Variants in MRAP2 observed in about 807,000 individuals in gnomAD.
The protein encoded by MRAP2 is melanocortin 2 receptor accessory protein 2.
A neutral mutation model predicts 17.4 loss-of-function variants in MRAP2; 20 were observed. The ratio of observed to expected loss-of-function variants is 1.15; its 90% confidence interval spans 0.81 to 1.67. The LOEUF (loss-of-function observed/expected upper bound fraction) is 1.67. Ranked by LOEUF, MRAP2 falls within the 40% of genes most tolerant of loss-of-function variation. The probability of loss-of-function intolerance (pLI) is 0.00; values close to 1 mark genes in which losing one functional copy is unlikely to be tolerated. For synonymous variants in MRAP2, 96 were observed against 88.4 expected, an observed-to-expected ratio of 1.09 and a Z score of -0.48; for missense variants, 238 against 240.0, an observed-to-expected ratio of 0.99 and a Z score of 0.05.
chr6:84,052,880 A>G (rs1232663207), intron 1 of MRAP2: 7 of 745,218 alleles, frequency 9.4e-6, no homozygotes, highest in Non-Finnish European at 1.1e-5. Context: ...AGCTTTCATT[A>G]CCCTTTGGTA....
the MRAP2 span, among the ~76,000 whole-genome samples, chr6:84,132,391 C>T: frequency 6.6e-5 from 10 of 152,084 alleles, no homozygotes; most frequent in Non-Finnish European, 1.0e-4. Context: ...TGTTGTTCTG[C>T]CTTGCTAGGC....
At chr6:84,083,554 C>A (rs528821323) in intron 3 of MRAP2, among the ~76,000 whole-genome samples, 10 of 152,062 alleles carry the variant, frequency 6.6e-5, no homozygotes, top group African/African-American at 1.2e-4. Flanking sequence ...AATTTTATCA[C>A]CTTAAAACAT....
At chr6:84,117,640 GGGGTGTGTGTCTGT>G in the MRAP2 span, among the ~76,000 whole-genome samples, 1 of 139,878 alleles carries the variant, frequency 7.1e-6, no homozygotes, top group African/African-American at 3.1e-5. Context: ...CTTTGGATGT[GGGGTGTGTGTCTGT>G]GTGTGTGTGT....
rs574675404 is a variant in MRAP2 at position 84,089,191 on chromosome 6, G to A, written c.328G>A (p.Glu110Lys). 1.1e-5 allele frequency: 17 copies of A among 1,614,176 alleles called. No homozygotes were observed. Among genetic ancestry groups the A allele is most frequent in the Admixed American group, 3.3e-5 (2 of 60,024 alleles). The change falls in exon 4 of 4, where the codon GAG (glutamate) becomes AAG (lysine). Residue 110 changes from glutamate (E) to lysine (K), a missense_variant. Transcript: ENST00000257776. ...TAAAGTATTTTCTCGCCAAGGCAACGAGGAGTCCAGGTCTCTCTTTCACTG... is the reference window on the plus strand; with the variant it reads ...TAAAGTATTTTCTCGCCAAGGCAACAAGGAGTCCAGGTCTCTCTTTCACTG... ...PDKVFSRQGN[E>K]ESRSLFHCYI...
chr6:84,099,130 G>GGTGTGAGA, the MRAP2 span, among the ~76,000 whole-genome samples: 1 of 149,478 alleles, frequency 6.7e-6, no homozygotes. Flanking sequence ...TCTTAAACAT[G>GGTGTGAGA]GTGTGAGATC....
In MRAP2 at chr6:84,089,799, A is replaced by G. The variant is rs958285137; in HGVS notation, c.*318A>G. On this transcript the variant is annotated 3_prime_UTR_variant, in exon 4 of 4. Transcript: ENST00000257776. ...CCAATACAAATTTTAAACTTTATTA[A>G]AACATGAGTTTTGTTTTTTTTTTTG... 2 of 260,636 alleles carry G rather than the reference A, an allele frequency of 7.7e-6. No homozygotes were observed. Among genetic ancestry groups the G allele is most frequent in the African/African-American group, 4.8e-5 (2 of 41,254 alleles). The allele number at this position is 260,636 out of a possible 1,614,324, so 16.1% of individuals were successfully genotyped here.
chr6:84,134,582 T>A, the MRAP2 span, among the ~76,000 whole-genome samples: 1 of 152,142 alleles, frequency 6.6e-6, no homozygotes, highest in South Asian at 2.1e-4. Flanking sequence ...CCTCACGGCT[T>A]CCCTTGGCTA....
chr6:84,125,044 A>G, the MRAP2 span: 1 of 1,559,626 alleles, frequency 6.4e-7, no homozygotes, highest in East Asian at 2.3e-5. Flanking sequence ...CCTTTTAATA[A>G]GGTCATTATG....
At chr6:84,100,544 G>C in the MRAP2 span, among the ~76,000 whole-genome samples, 2 of 152,166 alleles carry the variant, frequency 1.3e-5, no homozygotes, top group African/African-American at 2.4e-5. Flanking sequence ...TGAAATTACA[G>C]GTGTGAGCCA....
chr6:84,079,609 A>T (rs2099498461), intron 3 of MRAP2, among the ~76,000 whole-genome samples: 1 of 152,206 alleles, frequency 6.6e-6, no homozygotes, highest in Non-Finnish European at 1.5e-5. Context: ...GTCCACGATG[A>T]GTTTTTCACA....
chr6:84,100,466 C>T, the MRAP2 span, among the ~76,000 whole-genome samples: 1 of 152,084 alleles, frequency 6.6e-6, no homozygotes, highest in South Asian at 2.1e-4. Context: ...AGCATTTCGC[C>T]ATGTTGTCCA....
At chr6:84,113,449 C>T in the MRAP2 span, among the ~76,000 whole-genome samples, 1 of 152,180 alleles carries the variant, frequency 6.6e-6, no homozygotes, top group Non-Finnish European at 1.5e-5. Context: ...AAATCTTCCT[C>T]CATCCCCTTA....
At chr6:84,076,354 G>A (rs912560032) in intron 3 of MRAP2, among the ~76,000 whole-genome samples, 1 of 151,968 alleles carries the variant, frequency 6.6e-6, no homozygotes, top group Non-Finnish European at 1.5e-5. Flanking sequence ...CTCCTGAGTA[G>A]CTAGGATTAC....
chr6:84,108,043 G>T, the MRAP2 span, among the ~76,000 whole-genome samples: 5 of 152,206 alleles, frequency 3.3e-5, no homozygotes, highest in Non-Finnish European at 7.3e-5. Context: ...TATCTGGGAT[G>T]TATGCACAGC....
At chr6:84,040,017 C>T (rs2099487104) in intron 1 of MRAP2, among the ~76,000 whole-genome samples, 1 of 152,152 alleles carries the variant, frequency 6.6e-6, no homozygotes, top group Non-Finnish European at 1.5e-5. Flanking sequence ...ATATTCCTAC[C>T]AGTGTGATAT....
At position 84,036,676 on chromosome 6, in the gene MRAP2, C is replaced by T. The variant is rs1343097859; in HGVS notation, c.-8+2793C>T. Among the ~76,000 whole-genome samples the T allele has an allele frequency of 2.6e-5, 4 of 152,116 alleles. No individual in the cohort carries two copies. The East Asian group carries it at 5.8e-4, about 22-fold the overall frequency. On this transcript the variant is annotated intron_variant, in intron 1 of 3. Coordinates refer to ENST00000257776, the MANE Select transcript of MRAP2 (RefSeq NM_138409.4). ...CACAGTGTGGAAGGGGACCTGAGCG[C>T]CTTACCACTGCTGGCTCCAGTAGCC...
chr6:84,057,123 A>G (rs558317830), intron 2 of MRAP2, among the ~76,000 whole-genome samples: 1 of 152,358 alleles, frequency 6.6e-6, no homozygotes, highest in Admixed American at 6.5e-5. Context: ...TATGCGACAC[A>G]TTGAGAACAA....
chr6:84,089,651 A>T lies in MRAP2; in HGVS notation c.*170A>T. On this transcript the variant is annotated 3_prime_UTR_variant, in exon 4 of 4. Coordinates refer to ENST00000257776, the MANE Select transcript of MRAP2 (RefSeq NM_138409.4). ...GAAGAGAGCTGAGCTGATTAAGCTG[A>T]GTGGTTTTTTGTTTTGTTTTGTTTT... 1.3e-6 allele frequency: 1 copy of T among 758,236 alleles called. No individual in the cohort carries two copies. 47.0% of individuals were successfully genotyped at this position (758,236 alleles called of 1,614,324 possible).
At chr6:84,044,475 G>A (rs1439334544) in intron 1 of MRAP2, among the ~76,000 whole-genome samples, 1 of 152,136 alleles carries the variant, frequency 6.6e-6, no homozygotes, top group African/African-American at 2.4e-5. Context: ...ACAGTTCTGG[G>A]GACTGGAAGT....
Sources: allele counts gnomAD v4.1 joint callset (sites outside exome capture counted in the v4.1 genomes callset), GRCh38; gene constraint gnomAD v4.1.1; transcripts MANE v1.5; gene names NCBI Gene and HGNC (gene_info 2026-07-23, HGNC 2026-07-21).